The following LRRTM3 variants were observed in gnomAD, a reference collection of about 807,000 sequenced individuals.
The protein encoded by LRRTM3 is leucine-rich repeat transmembrane neuronal protein 3.
A neutral mutation model predicts 44.7 loss-of-function variants in LRRTM3; 24 were observed. The ratio of observed to expected loss-of-function variants is 0.54; its 90% CI spans 0.39 to 0.76. The LOEUF is 0.76. Ranked by LOEUF, LRRTM3 falls within the 30% of genes least tolerant of loss-of-function variation. LRRTM3 has a pLI of 0.00. For missense variants in LRRTM3, 587 were observed against 702.2 expected (o/e 0.84, Z 1.85); for synonymous variants, 277 against 278.7 (o/e 0.99, Z 0.06).
In LRRTM3 at chr10:67,005,572, GTGAATATATCTGA is replaced by G. The variant is rs1851918531; in HGVS notation, c.1536+77126_1536+77138del. Among the ~76,000 whole-genome samples the G allele has an allele frequency of 2.0e-5, 3 of 151,772 alleles. No homozygotes were observed. In the South Asian group the frequency reaches 6.3e-4, roughly 32 times the overall value. On this transcript the variant is annotated intron_variant, in intron 2 of 2. Coordinates refer to ENST00000361320, the MANE Select transcript of LRRTM3 (RefSeq NM_178011.5). The stretch of plus-strand genomic sequence containing the variant: ...ATAGATAAGGGAAGAGGAGGCAAAG[GTGAATATATCTGA>G]TGAATCGGAAAAAAAGGTATGTGGT...
At chr10:67,085,361 C>G (rs1022598885) in intron 2 of LRRTM3, among the ~76,000 whole-genome samples, 2 of 151,004 alleles carry the variant, frequency 1.3e-5, no homozygotes, top group African/African-American at 4.9e-5. Flanking sequence ...AAAAAATGAA[C>G]CCTAATTTGT....
At chr10:66,943,413 A>G (rs1307374651) in intron 2 of LRRTM3, among the ~76,000 whole-genome samples, 1 of 152,032 alleles carries the variant, frequency 6.6e-6, no homozygotes, top group African/African-American at 2.4e-5. Flanking sequence ...CAAAAAGACC[A>G]TCTTTTTATG....
chr10:66,938,308 C>G (rs1413977026), intron 2 of LRRTM3, among the ~76,000 whole-genome samples: 2 of 152,020 alleles, frequency 1.3e-5, no homozygotes, highest in African/African-American at 4.8e-5. Context: ...GTCAAAAATC[C>G]ATATAATATT....
chr10:66,977,489 G>C (rs1403709015), intron 2 of LRRTM3, among the ~76,000 whole-genome samples: 1 of 151,848 alleles, frequency 6.6e-6, no homozygotes, highest in Non-Finnish European at 1.5e-5. Flanking sequence ...CCTAAGCTTA[G>C]CAATAAAACT....
chr10:67,043,122 G>T (rs1854506999), intron 2 of LRRTM3, among the ~76,000 whole-genome samples: 1 of 137,714 alleles, frequency 7.3e-6, no homozygotes, highest in Admixed American at 8.5e-5. Context: ...ATGCCTCAAG[G>T]CTCACTTTCT....
At chr10:67,008,687 TAGGA>T (rs1852150149) in intron 2 of LRRTM3, among the ~76,000 whole-genome samples, 4 of 152,112 alleles carry the variant, frequency 2.6e-5, no homozygotes, top group African/African-American at 7.2e-5. Flanking sequence ...AAGCCCCAGC[TAGGA>T]TAGCACATCT....
At chr10:66,971,813 T>C (rs1271845819) in intron 2 of LRRTM3, among the ~76,000 whole-genome samples, 4 of 152,158 alleles carry the variant, frequency 2.6e-5, no homozygotes, top group Non-Finnish European at 5.9e-5. Flanking sequence ...TCTCTACTAT[T>C]ATTATAAATT....
chr10:66,950,087 G>T (rs768946644), intron 2 of LRRTM3, among the ~76,000 whole-genome samples: 32 of 151,968 alleles, frequency 2.1e-4, no homozygotes, highest in Non-Finnish European at 1.5e-5. Flanking sequence ...CTCTTTGAAC[G>T]TCTCCTTCAG....
At chr10:67,097,004 T>G (rs1858032347) in intron 2 of LRRTM3, among the ~76,000 whole-genome samples, 1 of 151,950 alleles carries the variant, frequency 6.6e-6, no homozygotes. Flanking sequence ...AATTCTCTTC[T>G]GCAATGGTTA....
intron 2 of LRRTM3, among the ~76,000 whole-genome samples, chr10:67,095,116 A>C: frequency 6.6e-6 from 1 of 151,422 alleles, no homozygotes; most frequent in African/African-American, 2.4e-5. Flanking sequence ...AACTCTCTTA[A>C]ATTTTCAAAA....
chr10:67,089,340 C>T (rs1857492787), intron 2 of LRRTM3, among the ~76,000 whole-genome samples: 1 of 152,040 alleles, frequency 6.6e-6, no homozygotes, highest in Admixed American at 6.6e-5. Context: ...AACATAAATT[C>T]AGGCTCTTAA....
intron 2 of LRRTM3, among the ~76,000 whole-genome samples, chr10:67,053,360 A>T (rs188845255): frequency 1.7e-3 from 255 of 152,318 alleles, no homozygotes; most frequent in African/African-American, 5.7e-3. Context: ...AGATAGAAGA[A>T]GTTGGAATTT....
intron 2 of LRRTM3, among the ~76,000 whole-genome samples, chr10:67,042,523 G>A (rs953296991): frequency 1.3e-5 from 2 of 151,950 alleles, no homozygotes; most frequent in Non-Finnish European, 2.9e-5. Flanking sequence ...AAGACATAGA[G>A]TGTGGCAGTG....
intron 2 of LRRTM3, among the ~76,000 whole-genome samples, chr10:67,008,064 ATG>A (rs1852111896): frequency 6.6e-6 from 1 of 151,892 alleles, no homozygotes; most frequent in Non-Finnish European, 1.5e-5. Flanking sequence ...AAAAAATGAG[ATG>A]TTTCTTTTTT....
chr10:66,998,549 T>C (rs1320037027), intron 2 of LRRTM3, among the ~76,000 whole-genome samples: 1 of 151,632 alleles, frequency 6.6e-6, no homozygotes, highest in Non-Finnish European at 1.5e-5. Flanking sequence ...AATAAAAAGA[T>C]GAAGAATGAC....
chr10:67,078,319 G>A (rs1856841580), intron 2 of LRRTM3, among the ~76,000 whole-genome samples: 1 of 152,144 alleles, frequency 6.6e-6, no homozygotes, highest in African/African-American at 2.4e-5. Context: ...CCAAGGTACA[G>A]TGTCAAAAGC....
chr10:67,071,184 C>T (rs78887925), intron 2 of LRRTM3, among the ~76,000 whole-genome samples: 517 of 152,276 alleles, frequency 3.4e-3, no homozygotes, highest in Non-Finnish European at 5.8e-3. Flanking sequence ...TGCATTTACA[C>T]TCTCCAGCAT....
intron 2 of LRRTM3, among the ~76,000 whole-genome samples, chr10:67,011,788 T>C (rs1404186606): frequency 6.6e-6 from 1 of 152,110 alleles, no homozygotes; most frequent in Non-Finnish European, 1.5e-5. Flanking sequence ...CAACCATACA[T>C]ACAGAAGAGA....
chr10:66,927,674 G>A lies in LRRTM3; in HGVS notation c.758G>A (p.Ser253Asn). The stretch of plus-strand genomic sequence containing the variant: ...GGACAGACCATGTCCTGGACCTGGA[G>A]CTCCTTACAAAGGCTTGATTTATCA... ...VIGQTMSWTW[S>N]SLQRLDLSGN... Residue 253 changes from serine (S) to asparagine (N), a missense_variant, in exon 2 of 3, where the codon AGC becomes AAC. Ser to Asn is a conservative substitution (Grantham distance 46). This residue lies in a region of LRRTM3 where 222 missense variants were observed against 323.3 expected (regional missense o/e 0.69). Transcript: ENST00000361320. This position sits in a 1 kb window ranked among gnomAD's most constrained non-coding sequence, Gnocchi z 4.7. 3.1e-6 allele frequency: 5 copies of A among 1,614,146 alleles called. No individual in the cohort carries two copies. Among genetic ancestry groups the A allele is most frequent in the Middle Eastern group, 1.6e-4 (1 of 6,062 alleles).
Sources: allele counts gnomAD v4.1 joint callset (sites outside exome capture counted in the v4.1 genomes callset), GRCh38; gene constraint gnomAD v4.1.1; regional missense constraint gnomAD v4.1.1; non-coding constraint Gnocchi (gnomAD v3.1); transcripts MANE v1.5; gene names NCBI Gene and HGNC (gene_info 2026-07-23, HGNC 2026-07-21).